The following GRID2 variants were observed in gnomAD, a reference collection of about 807,000 sequenced individuals.
The protein encoded by GRID2 is glutamate ionotropic receptor delta type subunit 2.
In GRID2, 33 loss-of-function variants were observed where a neutral mutation model predicts 114.8. The ratio of observed to expected loss-of-function variants is 0.29; its 90% CI spans 0.22 to 0.38. The LOEUF (loss-of-function observed/expected upper bound fraction) is 0.38. Ranked by LOEUF, GRID2 falls within the 10% of genes least tolerant of loss-of-function variation. GRID2 has a pLI of 1.00. For synonymous variants in GRID2, 505 were observed against 449.9 expected (o/e 1.12, Z -1.55); for missense variants, 1,184 against 1,257.7 (o/e 0.94, Z 0.89).
At chr4:93,467,146 G>T (rs1250869322) in intron 11 of GRID2, among the ~76,000 whole-genome samples, 1 of 152,162 alleles carries the variant, frequency 6.6e-6, no homozygotes, top group Non-Finnish European at 1.5e-5. Context: ...CAAAGTTCAT[G>T]ATAGTATTCT....
At chr4:93,108,877 C>G (rs903663657) in intron 3 of GRID2, among the ~76,000 whole-genome samples, 1 of 152,098 alleles carries the variant, frequency 6.6e-6, no homozygotes, top group South Asian at 2.1e-4. Context: ...GATCTGCCCC[C>G]CTCGGTCTCC....
intron 8 of GRID2, among the ~76,000 whole-genome samples, chr4:93,307,084 T>A (rs1207146490): frequency 6.6e-6 from 1 of 151,912 alleles, no homozygotes; most frequent in Non-Finnish European, 1.5e-5. Context: ...TAATCCCAGC[T>A]ACTTGGGAGG....
chr4:92,628,056 G>A (rs918006091), intron 2 of GRID2, among the ~76,000 whole-genome samples: 1 of 152,052 alleles, frequency 6.6e-6, no homozygotes, highest in Non-Finnish European at 1.5e-5. Flanking sequence ...AAAATAATTA[G>A]GAAGATGAGA....
At chr4:92,325,749 C>G (rs1385321018) in intron 1 of GRID2, among the ~76,000 whole-genome samples, 1 of 151,586 alleles carries the variant, frequency 6.6e-6, no homozygotes, top group Admixed American at 6.6e-5. Flanking sequence ...CTTTTTACTG[C>G]TTGGACTCAT....
At chr4:93,742,781 CCTT>C (rs754004648) in intron 14 of GRID2, among the ~76,000 whole-genome samples, 7 of 152,156 alleles carry the variant, frequency 4.6e-5, no homozygotes, top group African/African-American at 1.2e-4. Context: ...TCATATCTCT[CCTT>C]CTCCTCTGGC....
At chr4:93,385,554 C>T (rs750256978) in intron 8 of GRID2, among the ~76,000 whole-genome samples, 13 of 152,062 alleles carry the variant, frequency 8.5e-5, no homozygotes, top group Admixed American at 2.0e-4. Flanking sequence ...GCTTGCCATA[C>T]GTCAGTGAAT....
intron 2 of GRID2, among the ~76,000 whole-genome samples, chr4:92,842,993 C>T (rs1379850778): frequency 1.3e-5 from 2 of 152,110 alleles, no homozygotes; most frequent in Non-Finnish European, 2.9e-5. Context: ...AATGTAAGCA[C>T]TTTGGCAGGC....
chr4:92,666,419 T>C (rs116101338), intron 2 of GRID2, among the ~76,000 whole-genome samples: 2,117 of 151,652 alleles, frequency 0.014, 24 homozygotes, highest in Non-Finnish European at 0.023. Context: ...ACAATTTCTG[T>C]TGGTTTATTA....
At chr4:92,760,518 A>G (rs1737956151) in intron 2 of GRID2, among the ~76,000 whole-genome samples, 1 of 152,228 alleles carries the variant, frequency 6.6e-6, no homozygotes, top group East Asian at 1.9e-4. Flanking sequence ...TCCACAGCCA[A>G]TCCAGCTTCA....
chr4:92,684,267 C>T (rs1204147520), intron 2 of GRID2, among the ~76,000 whole-genome samples: 1 of 151,760 alleles, frequency 6.6e-6, no homozygotes, highest in Non-Finnish European at 1.5e-5. Flanking sequence ...GAGTGATTAT[C>T]CTTGGTTACA....
At chr4:93,764,588 C>A (rs751295412) in intron 14 of GRID2, among the ~76,000 whole-genome samples, 2 of 152,152 alleles carry the variant, frequency 1.3e-5, no homozygotes, top group Non-Finnish European at 2.9e-5. Flanking sequence ...ATTCACACCA[C>A]AATGACCCTC....
chr4:92,842,718 A>G (rs1468126884), intron 2 of GRID2, among the ~76,000 whole-genome samples: 1 of 152,098 alleles, frequency 6.6e-6, no homozygotes, highest in African/African-American at 2.4e-5. Flanking sequence ...ACTTAGAAGA[A>G]AAAGATGAAA....
intron 2 of GRID2, among the ~76,000 whole-genome samples, chr4:92,840,536 G>C (rs188399902): frequency 2.6e-5 from 4 of 151,790 alleles, no homozygotes; most frequent in Non-Finnish European, 5.9e-5. Flanking sequence ...CTGTCTTTTT[G>C]AAACTCAGTT....
In GRID2 at chr4:93,558,344, A is replaced by T. The variant is rs963919662; in HGVS notation, c.2193+42933A>T. Among the ~76,000 whole-genome samples, 67 of 152,148 alleles carry T rather than the reference A, an allele frequency of 4.4e-4. 1 individual carries two copies. The highest frequency in any genetic ancestry group is 4.3e-3 in the Admixed American group (66 of 15,256). On this transcript the variant is annotated intron_variant, in intron 13 of 15. Transcript: ENST00000282020. ...ACAAAATAGATAGACTACTAGCCAG[A>T]CTAATAAAGAAAAAAAGAGAGAAGA... is the stretch of plus-strand genomic sequence containing the variant.
intron 4 of GRID2, among the ~76,000 whole-genome samples, chr4:93,196,357 G>A (rs1045111286): frequency 6.6e-6 from 1 of 152,040 alleles, no homozygotes; most frequent in Non-Finnish European, 1.5e-5. Flanking sequence ...AGACGGACAT[G>A]GAAATTCACC....
chr4:93,513,978 G>A (rs1467134321), intron 12 of GRID2, among the ~76,000 whole-genome samples: 1 of 152,144 alleles, frequency 6.6e-6, no homozygotes, highest in East Asian at 1.9e-4. Flanking sequence ...TACATTACAT[G>A]AGATTCATGG....
chr4:92,538,947 A>C (rs1052902561), intron 1 of GRID2, among the ~76,000 whole-genome samples: 1 of 151,860 alleles, frequency 6.6e-6, no homozygotes, highest in Non-Finnish European at 1.5e-5. Context: ...GAGGCTGAGG[A>C]AGGAGAATGG....
intron 13 of GRID2, among the ~76,000 whole-genome samples, chr4:93,523,549 T>A (rs558072020): frequency 6.6e-6 from 1 of 152,222 alleles, no homozygotes; most frequent in Admixed American, 6.5e-5. Flanking sequence ...ATTTAAACAG[T>A]AATCTGGAAA....
At chr4:92,305,987 C>G (rs925954972) in intron 1 of GRID2, among the ~76,000 whole-genome samples, 1 of 152,150 alleles carries the variant, frequency 6.6e-6, no homozygotes, top group African/African-American at 2.4e-5. Flanking sequence ...ACAGCTTCTC[C>G]CCTTTCTGTA....
Sources: allele counts gnomAD v4.1 joint callset (sites outside exome capture counted in the v4.1 genomes callset), GRCh38; gene constraint gnomAD v4.1.1; transcripts MANE v1.5; gene names NCBI Gene and HGNC (gene_info 2026-07-23, HGNC 2026-07-21).